C8A: variants seen among roughly 807,000 people sequenced by gnomAD.
C8A encodes the protein complement C8 alpha chain.
Under a neutral mutation model 65.3 loss-of-function variants are expected in C8A, and 67 were observed. The observed-to-expected ratio is 1.03, with a 90% CI of 0.84 to 1.26. The LOEUF is 1.26. C8A is among the 50% of genes most tolerant of loss of function. C8A has a pLI of 0.00. For synonymous variants in C8A, 290 were observed against 259.4 expected, an observed-to-expected ratio of 1.12 and a Z score of -1.13; for missense variants, 781 against 723.9, an observed-to-expected ratio of 1.08 and a Z score of -0.90.
At chr1:56,867,885 G>T (rs1644106627) in intron 2 of C8A, among the ~76,000 whole-genome samples, 183 bp downstream of exon 2, 1 of 152,158 alleles carries the variant, frequency 6.6e-6, no homozygotes, top group Non-Finnish European at 1.5e-5. Context: ...AATTTTGTTT[G>T]TAAGGTAGTG....
chr1:56,872,972 G>A (rs528853095), intron 2 of C8A, among the ~76,000 whole-genome samples: 126 of 152,236 alleles, frequency 8.3e-4, no homozygotes, highest in African/African-American at 2.9e-3. Context: ...GTGCTGAGGG[G>A]CAAGAGTGTG....
intron 1 of C8A, among the ~76,000 whole-genome samples, chr1:56,856,327 A>T (rs995830520): frequency 6.6e-6 from 1 of 152,122 alleles, no homozygotes; most frequent in African/African-American, 2.4e-5. Context: ...TTACCTGTAC[A>T]ATGGGAGGAA....
At chr1:56,907,832 G>T in intron 8 of C8A, 124 bp from the exon 9 acceptor site, 1 of 1,161,582 alleles carries the variant, frequency 8.6e-7, no homozygotes, top group Non-Finnish European at 1.3e-6. Context: ...AAGAAGAGAA[G>T]AAGAATGGTA....
chr1:56,905,423 A>G (rs1227010064), intron 7 of C8A, among the ~76,000 whole-genome samples: 7 of 152,210 alleles, frequency 4.6e-5, no homozygotes, highest in Admixed American at 4.6e-4. Context: ...CCTTACCAAA[A>G]GACTCGGGGC....
intron 2 of C8A, among the ~76,000 whole-genome samples, chr1:56,871,215 A>T (rs747516557): frequency 6.6e-6 from 1 of 152,206 alleles, no homozygotes; most frequent in African/African-American, 2.4e-5. Flanking sequence ...TTCACAGCCA[A>T]CTGTAAATGA....
In C8A at chr1:56,881,511, T is replaced by A. The variant is rs752326382; in HGVS notation, c.531T>A (p.Cys177Ter). The A allele has an allele frequency of 1.9e-6, 3 of 1,613,836 alleles. No individual in the cohort carries two copies. Among genetic ancestry groups the A allele is most frequent in the South Asian group, 2.2e-5 (2 of 91,078 alleles). Reference sequence around the variant, plus strand: ...ATGCCAGTTATTATGGGGGCCAGTGTGAGACGGTATACAATGGGGAATGGA... The same window carrying A: ...ATGCCAGTTATTATGGGGGCCAGTGAGAGACGGTATACAATGGGGAATGGA... Reference protein sequence around the residue: ...VYDASYYGGQCETVYNGEWRE... With the variant: ...VYDASYYGGQ Residue 177 changes from cysteine to a stop codon, truncating the protein, a stop_gained, in exon 5 of 11, where the codon TGT (cysteine) becomes TGA (stop). Transcript: ENST00000361249. LOFTEE classifies it high-confidence loss of function.
In C8A at chr1:56,880,235, T is replaced by C. The variant is rs77006497; in HGVS notation, c.465-1210T>C. On this transcript the variant is annotated intron_variant, in intron 4 of 10. Coordinates refer to ENST00000361249, the MANE Select transcript of C8A (RefSeq NM_000562.3). ...TTCATCTGCTTGACATTATTTTACC[T>C]GAATATGGTAAAACCATCCATATCC... Among the ~76,000 whole-genome samples, 788 of 152,254 alleles carry C rather than the reference T, an allele frequency of 5.2e-3. 13 individuals carry two copies. The highest frequency in any genetic ancestry group is 0.018 in the African/African-American group (743 of 41,554).
intron 7 of C8A, among the ~76,000 whole-genome samples, chr1:56,894,426 C>G (rs1276511073): frequency 6.6e-6 from 1 of 152,176 alleles, no homozygotes; most frequent in Non-Finnish European, 1.5e-5. Context: ...GTGTTAACAA[C>G]TCTGCTCAAA....
chr1:56,910,700 T>C (rs550302619), intron 9 of C8A, among the ~76,000 whole-genome samples: 1 of 152,342 alleles, frequency 6.6e-6, no homozygotes, highest in African/African-American at 2.4e-5. Context: ...GTCCTGATAT[T>C]ACCTGCCTGC....
chr1:56,875,182 C>A, intron 3 of C8A, 89 bp downstream of exon 3: 1 of 1,451,608 alleles, frequency 6.9e-7, no homozygotes, highest in Non-Finnish European at 9.5e-7. Context: ...AATGCATACT[C>A]CTGAGCCCTT....
rs201698749 is a variant in C8A, at chr1:56,881,451, T to A, written c.471T>A (p.Asn157Lys). Reference protein sequence around the residue: ...PGSQKAALGYNILTQEDAQSV... With the variant: ...PGSQKAALGYKILTQEDAQSV... The stretch of plus-strand genomic sequence containing the variant: ...GCTGCTTTGTTCCATGTAGGTACAA[T>A]ATCCTGACCCAGGAAGATGCTCAGA... Residue 157 changes from asparagine to lysine, a missense_variant, in exon 5 of 11, where the codon AAT becomes AAA. Transcript: ENST00000361249. The A allele has an allele frequency of 1.2e-6, 2 of 1,613,568 alleles. No individual in the cohort carries two copies. Among genetic ancestry groups the A allele is most frequent in the East Asian group, 4.5e-5 (2 of 44,866 alleles).
At position 56,917,995 on chromosome 1, in the gene C8A, A is replaced by C. The variant is rs1644567506; in HGVS notation, c.*279A>C. The C allele has an allele frequency of 3.1e-6, 1 of 323,874 alleles. No homozygotes were observed. Among genetic ancestry groups the C allele is most frequent in the East Asian group, 6.2e-5 (1 of 16,058 alleles). 20.1% of individuals were successfully genotyped at this position (323,874 alleles called of 1,614,324 possible). On this transcript the variant is annotated 3_prime_UTR_variant, in exon 11 of 11. Coordinates refer to ENST00000361249, the MANE Select transcript of C8A (RefSeq NM_000562.3). ...GATCATCAAAAAAATAAAGTAAAAT[A>C]GAAAACTGAGAAAACTCAATCCATG...
At chr1:56,869,188 A>C (rs1393383519) in intron 2 of C8A, among the ~76,000 whole-genome samples, 1 of 152,048 alleles carries the variant, frequency 6.6e-6, no homozygotes, top group Non-Finnish European at 1.5e-5. Context: ...CTTCCACCCG[A>C]GTCCCCAAAG....
At chr1:56,896,030 A>G (rs1644384834) in intron 7 of C8A, among the ~76,000 whole-genome samples, 1 of 152,168 alleles carries the variant, frequency 6.6e-6, no homozygotes, top group African/African-American at 2.4e-5. Context: ...GAGAGTGGTC[A>G]AGAAAGTATT....
At chr1:56,914,423 G>A (rs1219498731) in intron 10 of C8A, among the ~76,000 whole-genome samples, 1 of 152,128 alleles carries the variant, frequency 6.6e-6, no homozygotes, top group Non-Finnish European at 1.5e-5. Context: ...CTAAACAAGG[G>A]ATAGCAACAT....
At chr1:56,860,781 T>C (rs1208420318) in intron 1 of C8A, among the ~76,000 whole-genome samples, 1 of 152,192 alleles carries the variant, frequency 6.6e-6, no homozygotes, top group Non-Finnish European at 1.5e-5. Context: ...GCCAAGGACG[T>C]GGATCTTACC....
intron 6 of C8A, among the ~76,000 whole-genome samples, chr1:56,884,340 G>A (rs1470848177): frequency 6.6e-6 from 1 of 152,106 alleles, no homozygotes; most frequent in East Asian, 1.9e-4. Context: ...CACAGGGTGG[G>A]AAAGGAAAAC....
Position 56,878,577 on chromosome 1 carries a change from C to T in C8A, c.464+2368C>T, listed in dbSNP as rs189452413. 2.5e-3 allele frequency among the ~76,000 whole-genome samples: 386 copies of T among 152,178 alleles called. 3 individuals carry two copies. Among genetic ancestry groups the T allele is most frequent in the African/African-American group, 8.9e-3 (371 of 41,532 alleles). On this transcript the variant is annotated intron_variant, in intron 4 of 10. Transcript: ENST00000361249. ...CTCCAGCCACTGATGTTTGATGGTTCTTCTATTTATCTCAGATCTCAAAGG... is the reference window on the plus strand; with the variant it reads ...CTCCAGCCACTGATGTTTGATGGTTTTTCTATTTATCTCAGATCTCAAAGG...
chr1:56,895,769 T>A (rs548277945), intron 7 of C8A, among the ~76,000 whole-genome samples: 2 of 151,998 alleles, frequency 1.3e-5, no homozygotes, highest in Middle Eastern at 3.4e-3. Flanking sequence ...GGAGACCATA[T>A]CTCTATAAAA....
Sources: allele counts gnomAD v4.1 joint callset (sites outside exome capture counted in the v4.1 genomes callset), GRCh38; gene constraint gnomAD v4.1.1; transcripts MANE v1.5; gene names NCBI Gene and HGNC (gene_info 2026-07-23, HGNC 2026-07-21).